Variants in SUSD5 observed in about 807,000 individuals in gnomAD.
SUSD5 encodes sushi domain-containing protein 5.
In SUSD5, 33 loss-of-function variants were observed where a neutral mutation model predicts 29.5. That is an observed-to-expected ratio of 1.12 (90% CI 0.85 to 1.49). The LOEUF (loss-of-function observed/expected upper bound fraction) is 1.49, where lower values mean the gene tolerates loss of function less well. Ranked by LOEUF, SUSD5 falls within the 40% of genes most tolerant of loss-of-function variation. The probability of loss-of-function intolerance (pLI) is 0.00; values close to 1 mark genes in which losing one functional copy is unlikely to be tolerated. For missense variants in SUSD5, 776 were observed against 800.6 expected (o/e 0.97, Z 0.37); for synonymous variants, 308 against 325.3 (o/e 0.95, Z 0.57).
intron 3 of SUSD5, among the ~76,000 whole-genome samples, chr3:33,183,074 C>T (rs932407937): frequency 4.6e-5 from 7 of 152,230 alleles, no homozygotes; most frequent in East Asian, 1.9e-4. Context: ...GGATTACAGG[C>T]GTGAGCCACC....
chr3:33,193,393 T>C (rs1252878862), intron 3 of SUSD5, among the ~76,000 whole-genome samples: 1 of 152,158 alleles, frequency 6.6e-6, no homozygotes, highest in South Asian at 2.1e-4. Context: ...TAGGTGGATC[T>C]GGCAGATACT....
rs1376976596 is a variant in SUSD5, at chr3:33,150,395, ATTTG to A, written c.*2343_*2346del. The A allele has an allele frequency of 6.6e-6, 1 of 152,222 alleles. No homozygotes were observed. Among genetic ancestry groups the A allele is most frequent in the Non-Finnish European group, 1.5e-5 (1 of 68,040 alleles). The allele number at this position is 152,222 out of a possible 1,614,324, so 9.4% of individuals were successfully genotyped here. On this transcript the variant is annotated 3_prime_UTR_variant, in exon 5 of 5. Transcript: ENST00000309558. ...TTAATACACTGTATTAATATTGCCT[ATTTG>A]TTGGTATAAATCCAATGTTCTGGGT...
At chr3:33,213,268 T>C (rs1435816287) in intron 2 of SUSD5, among the ~76,000 whole-genome samples, 2 of 151,748 alleles carry the variant, frequency 1.3e-5, no homozygotes, top group African/African-American at 2.4e-5. Context: ...TAGCCAGGTG[T>C]TGTGGCACAT....
chr3:33,215,423 G>C (rs6800126), intron 1 of SUSD5, among the ~76,000 whole-genome samples: 1 of 151,892 alleles, frequency 6.6e-6, no homozygotes, highest in Non-Finnish European at 1.5e-5. Context: ...ATCATACAAA[G>C]CATGCCTTTT....
chr3:33,214,804 C>T (rs2032397227), intron 1 of SUSD5, among the ~76,000 whole-genome samples: 1 of 152,078 alleles, frequency 6.6e-6, no homozygotes, highest in South Asian at 2.1e-4. Context: ...AAGGAAACCA[C>T]GGTACCGGAG....
intron 4 of SUSD5, among the ~76,000 whole-genome samples, chr3:33,169,781 C>A (rs2031384155): frequency 6.6e-6 from 1 of 152,186 alleles, no homozygotes; most frequent in African/African-American, 2.4e-5. Context: ...GGAGGTCCAG[C>A]TTGGGGTCAA....
At chr3:33,192,762 G>A (rs145222812) in intron 3 of SUSD5, among the ~76,000 whole-genome samples, 4 of 152,000 alleles carry the variant, frequency 2.6e-5, no homozygotes, top group African/African-American at 9.6e-5. Flanking sequence ...GGTTGTGGTG[G>A]GCCAAAATTG....
At chr3:33,166,099 G>A (rs1253102976) in intron 4 of SUSD5, among the ~76,000 whole-genome samples, 6 of 152,024 alleles carry the variant, frequency 3.9e-5, no homozygotes, top group Admixed American at 3.9e-4. Flanking sequence ...CCCAGCTGCT[G>A]CTGGTATTCC....
At chr3:33,215,100 CA>C (rs1018122755) in intron 1 of SUSD5, among the ~76,000 whole-genome samples, 4 of 150,590 alleles carry the variant, frequency 2.7e-5, no homozygotes, top group Non-Finnish European at 4.4e-5. Context: ...AATAAAAATA[CA>C]AAAAAAAATT....
intron 1 of SUSD5, among the ~76,000 whole-genome samples, chr3:33,217,395 C>T (rs1226512515): frequency 6.6e-6 from 1 of 152,088 alleles, no homozygotes; most frequent in East Asian, 1.9e-4. Flanking sequence ...TGCATGCAAA[C>T]CATGGTTTTC....
intron 4 of SUSD5, among the ~76,000 whole-genome samples, chr3:33,171,802 A>G (rs1344912419): frequency 6.6e-6 from 1 of 152,202 alleles, no homozygotes; most frequent in Non-Finnish European, 1.5e-5. Flanking sequence ...CTTGTTTTCT[A>G]TAGCCTCTGG....
At chr3:33,208,353 G>T (rs2032261300) in intron 2 of SUSD5, among the ~76,000 whole-genome samples, 1 of 151,624 alleles carries the variant, frequency 6.6e-6, no homozygotes, top group Non-Finnish European at 1.5e-5. Flanking sequence ...CATGAGTTTG[G>T]GTATGTACAT....
At chr3:33,197,580 C>T (rs2032019322) in intron 3 of SUSD5, among the ~76,000 whole-genome samples, 3 of 152,064 alleles carry the variant, frequency 2.0e-5, no homozygotes, top group Admixed American at 2.0e-4. Flanking sequence ...AGGTATAGAA[C>T]AATTCTTAAA....
At chr3:33,189,205 C>T (rs902629750) in intron 3 of SUSD5, among the ~76,000 whole-genome samples, 1 of 152,076 alleles carries the variant, frequency 6.6e-6, no homozygotes, top group Non-Finnish European at 1.5e-5. Flanking sequence ...GCCGGCTGGG[C>T]GTGGTGGCTC....
chr3:33,193,881 A>AC (rs1023506830), intron 3 of SUSD5, among the ~76,000 whole-genome samples: 5 of 151,670 alleles, frequency 3.3e-5, no homozygotes, highest in African/African-American at 1.2e-4. Context: ...CCTGAAACAA[A>AC]CCCCCCCACC....
intron 4 of SUSD5, among the ~76,000 whole-genome samples, chr3:33,162,349 G>GA (rs2031208020): frequency 1.3e-5 from 2 of 152,124 alleles, no homozygotes; most frequent in Admixed American, 1.3e-4. Context: ...GAGAAAAGAA[G>GA]AAAGGCTGAA....
At chr3:33,173,837 T>C (rs558501395) in intron 4 of SUSD5, among the ~76,000 whole-genome samples, 1 of 152,310 alleles carries the variant, frequency 6.6e-6, no homozygotes, top group African/African-American at 2.4e-5. Context: ...GTCCGAGGTA[T>C]AGGAGTCACA....
chr3:33,213,812 C>T (rs1165131319), intron 2 of SUSD5, 116 bp downstream of exon 2: 4 of 1,116,400 alleles, frequency 3.6e-6, no homozygotes, highest in South Asian at 1.7e-5. Context: ...CATGAACACG[C>T]TACTGCCCAC....
At chr3:33,170,780 TGAAG>T (rs1263092006) in intron 4 of SUSD5, among the ~76,000 whole-genome samples, 4 of 152,210 alleles carry the variant, frequency 2.6e-5, no homozygotes, top group African/African-American at 9.6e-5. Flanking sequence ...AACAGACAGT[TGAAG>T]TCACAGGCTG....
Sources: allele counts gnomAD v4.1 joint callset (sites outside exome capture counted in the v4.1 genomes callset), GRCh38; gene constraint gnomAD v4.1.1; transcripts MANE v1.5; gene names NCBI Gene and HGNC (gene_info 2026-07-23, HGNC 2026-07-21).